Variants in CARD10 observed in about 807,000 individuals in gnomAD.
The protein encoded by CARD10 is caspase recruitment domain-containing protein 10.
In CARD10, 49 loss-of-function variants were observed where a neutral mutation model predicts 114.6. The observed-to-expected ratio is 0.43, with a 90% CI of 0.34 to 0.54. The LOEUF is 0.54. Ranked by LOEUF, CARD10 falls within the 20% of genes least tolerant of loss-of-function variation. The probability of loss-of-function intolerance (pLI) is 0.03; values close to 1 mark genes in which losing one functional copy is unlikely to be tolerated. For missense variants in CARD10, 1,206 were observed against 1,397.2 expected (o/e 0.86, Z 2.18); for synonymous variants, 602 against 593.2 (o/e 1.01, Z -0.21).
Position 37,490,942 on chromosome 22 carries a change from C to T in CARD10, c.*217G>A. ...GGAGACCCCAGGAAAGGTGGGGAGGCCCAGAGCAGCAAGTAGAGGGGAGTG... is the reference window on the plus strand; with the variant it reads ...GGAGACCCCAGGAAAGGTGGGGAGGTCCAGAGCAGCAAGTAGAGGGGAGTG... On this transcript the variant is annotated 3_prime_UTR_variant, in exon 20 of 20. Coordinates refer to ENST00000251973, the MANE Select transcript of CARD10 (RefSeq NM_014550.4). 1.7e-6 allele frequency: 1 copy of T among 574,264 alleles called. No homozygotes were observed. The highest frequency in any genetic ancestry group is 3.1e-6 in the Non-Finnish European group (1 of 321,592). 35.6% of individuals were successfully genotyped at this position (574,264 alleles called of 1,614,324 possible). A position where few individuals can be genotyped will look rare whatever the true frequency, so the allele number is the denominator to read the frequency against.
At chr22:37,504,370 G>A in intron 8 of CARD10, 69 bp from the exon 9 acceptor site, 1 of 1,196,094 alleles carries the variant, frequency 8.4e-7, no homozygotes, top group Admixed American at 2.8e-5. Flanking sequence ...AGCACACCTG[G>A]TTTGTGCCCA....
intron 5 of CARD10, 58 bp from the exon 6 acceptor site, chr22:37,508,012 C>T (rs1417893895): frequency 6.2e-6 from 10 of 1,603,478 alleles, no homozygotes; most frequent in Admixed American, 5.0e-5. Context: ...AGAAAGCTAA[C>T]CAGCAGGTGC....
At chr22:37,516,377 T>A in intron 2 of CARD10, 79 bp from the exon 3 acceptor site, 1 of 1,067,564 alleles carries the variant, frequency 9.4e-7, no homozygotes, top group Non-Finnish European at 1.3e-6. Context: ...GTCAAAAAAC[T>A]CAAACCATAA....
chr22:37,510,522 A>G, intron 3 of CARD10, 101 bp from the exon 4 acceptor site: 1 of 1,022,812 alleles, frequency 9.8e-7, no homozygotes, highest in Non-Finnish European at 1.4e-6. Context: ...TGCCTCCCAG[A>G]TTCCCAGAGA....
At chr22:37,514,478 A>G (rs1923767504) in intron 3 of CARD10, 1 of 152,340 alleles carries the variant, frequency 6.6e-6, no homozygotes, top group Non-Finnish European at 1.5e-5. Context: ...CAGGCCCTCG[A>G]ACGATAGCCT....
In CARD10 at chr22:37,507,950, A is replaced by T; in HGVS notation, c.1070T>A (p.Leu357Gln). ...QWAEELRDQY[L>Q]QEMEDLRLKH... is the part of the protein sequence containing the mutation. ...GAGCCGCAGGTCTTCCATCTCCTGC[A>T]GGTACTGAGGGTGGCACGGGGCGGG... is the stretch of plus-strand genomic sequence containing the variant. Residue 357 changes from leucine (L) to glutamine (Q), a missense_variant, in exon 6 of 20, where the codon CTG (leucine) becomes CAG (glutamine). Leu to Gln is a moderately radical substitution (Grantham distance 113, BLOSUM62 -2). Transcript: ENST00000251973. 6.2e-7 allele frequency: 1 copy of T among 1,614,070 alleles called. No individual in the cohort carries two copies. Among genetic ancestry groups the T allele is most frequent in the East Asian group, 2.2e-5 (1 of 44,864 alleles).
rs1922989700 is a variant in CARD10 at position 37,495,968 on chromosome 22, C to T, written c.2095G>A (p.Ala699Thr). 7 of 1,614,090 alleles carry T rather than the reference C, an allele frequency of 4.3e-6. No homozygotes were observed. The highest frequency in any genetic ancestry group is 5.9e-6 in the Non-Finnish European group (7 of 1,180,028). The change falls in exon 14 of 20, where the codon GCA becomes ACA. Residue 699 changes from alanine to threonine, a missense_variant. This residue lies in a region of CARD10 where 1,068 missense variants were observed against 1,179.1 expected (regional missense o/e 0.91). Transcript: ENST00000251973. The stretch of plus-strand genomic sequence containing the variant: ...AAGGGCTCGGCACCTGGTCCCTTTG[C>T]CCAGGCTTCTAGGGCCTCGTGGAAG... ...QSFHEALEAW[A>T]KGPGAEPFYI...
Position 37,492,941 on chromosome 22 carries a change from A to G in CARD10, c.2477-139T>C. 2.4e-6 allele frequency: 2 copies of G among 834,898 alleles called. No homozygotes were observed. The highest frequency in any genetic ancestry group is 3.7e-6 in the Non-Finnish European group (2 of 546,596). 51.7% of individuals were successfully genotyped at this position (834,898 alleles called of 1,614,324 possible). On this transcript the variant is annotated intron_variant, in intron 16 of 19. Coordinates refer to ENST00000251973, the MANE Select transcript of CARD10 (RefSeq NM_014550.4). The surrounding 1 kb of genome is among the most constrained non-coding windows in gnomAD (Gnocchi z 5.7). ...TCCTCCTACACATGCACACACACAC[A>G]CCCTTAGTAGGACCGACGGTGGCAG...
At chr22:37,512,454 C>CA (rs1923685639) in intron 3 of CARD10, among the ~76,000 whole-genome samples, 1 of 105,434 alleles carries the variant, frequency 9.5e-6, no homozygotes, top group African/African-American at 5.5e-5. Flanking sequence ...GTTAGAATGG[C>CA]AGCCCCCCCT....
chr22:37,497,296 G>T, intron 11 of CARD10, 118 bp from the exon 12 acceptor site: 1 of 1,011,952 alleles, frequency 9.9e-7, no homozygotes, highest in Non-Finnish European at 1.4e-6. Context: ...CCCACCCCCA[G>T]GCCTCTCCAT....
Position 37,508,520 on chromosome 22 carries a change from G to A in CARD10, c.1065+7C>T, listed in dbSNP as rs746132073. ...GCACAAGGGGCAGGGCACGGGCAGG[G>A]CCCCACCTGGTCGCGCAGCTCCTCG... On this transcript the variant is annotated splice_region_variant and intron_variant, in intron 5 of 19. Transcript: ENST00000251973. 45 of 1,586,246 alleles carry A rather than the reference G, an allele frequency of 2.8e-5. No homozygotes were observed. The Admixed American group carries it at 7.1e-4, about 25-fold the overall frequency.
Position 37,492,737 on chromosome 22 carries a change from C to T in CARD10, c.2542G>A (p.Val848Met), listed in dbSNP as rs756882892. The change falls in exon 17 of 20, where the codon GTG becomes ATG. Residue 848 changes from valine to methionine, a missense_variant. Around this residue, in one of 2 missense-constraint regions of CARD10, gnomAD observed 1,068 missense variants for 1,179.1 expected, o/e 0.91. Transcript: ENST00000251973. The surrounding 1 kb of genome is among the most constrained non-coding windows in gnomAD (Gnocchi z 5.7). ...GCCAGGCACTCAGGCAACAGCACCA[C>T]GGGCCGCAGGGCAGACACCAGTAGC... ...RPLLVSALRP[V>M]VLLPECLAPR... The T allele has an allele frequency of 1.9e-6, 3 of 1,612,980 alleles. No homozygotes were observed. The highest frequency in any genetic ancestry group is 1.7e-6 in the Non-Finnish European group (2 of 1,179,940).
In CARD10 at chr22:37,491,340, C is replaced by T. The variant is rs772992149; in HGVS notation, c.2918G>A (p.Arg973His). The T allele has an allele frequency of 1.7e-5, 27 of 1,543,988 alleles. No individual in the cohort carries two copies. Among genetic ancestry groups the T allele is most frequent in the Middle Eastern group, 1.7e-4 (1 of 5,892 alleles). Residue 973 changes from arginine (R) to histidine (H), a missense_variant, in exon 20 of 20, where the codon CGT becomes CAT. Transcript: ENST00000251973. ...CCCCCAGAGCACCTGCTCTGAGCCA[C>T]GGCACTGCCGCAGCAGCTCTGAGTC... Reference protein sequence around the residue: ...WRDSELLRQCRGSEQVLWGLP... With the variant: ...WRDSELLRQCHGSEQVLWGLP...
chr22:37,490,962 G>A lies in CARD10; in HGVS notation c.*197C>T, dbSNP rs1922746678. 8.6e-6 allele frequency: 5 copies of A among 584,002 alleles called. No individual in the cohort carries two copies. In the East Asian group the frequency reaches 1.1e-4, roughly 13 times the overall value. 36.2% of individuals were successfully genotyped at this position (584,002 alleles called of 1,614,324 possible). On this transcript the variant is annotated 3_prime_UTR_variant, in exon 20 of 20. Coordinates refer to ENST00000251973, the MANE Select transcript of CARD10 (RefSeq NM_014550.4). Reference sequence around the variant, plus strand: ...GGAGGCCCAGAGCAGCAAGTAGAGGGGAGTGGGCACTCTGTCCCGGGACTC... The same window carrying A: ...GGAGGCCCAGAGCAGCAAGTAGAGGAGAGTGGGCACTCTGTCCCGGGACTC...
intron 11 of CARD10, among the ~76,000 whole-genome samples, chr22:37,497,444 G>C (rs949851210): frequency 6.6e-6 from 1 of 152,170 alleles, no homozygotes; most frequent in African/African-American, 2.4e-5. Flanking sequence ...CTCCAACTTT[G>C]CCTTGCCACG....
Position 37,491,115 on chromosome 22 carries a change from G to A in CARD10, c.*44C>T, listed in dbSNP as rs1157032457. On this transcript the variant is annotated 3_prime_UTR_variant, in exon 20 of 20. Coordinates refer to ENST00000251973, the MANE Select transcript of CARD10 (RefSeq NM_014550.4). ...GGCCCAGCTTCACCATAGACACCAG[G>A]GTCCACGCTGGCTTGGGGAGAAGGT... 6.9e-7 allele frequency: 1 copy of A among 1,450,134 alleles called. No individual in the cohort carries two copies. The highest frequency in any genetic ancestry group is 2.5e-5 in the East Asian group (1 of 40,382). The allele number at this position is 1,450,134 out of a possible 1,614,324, so 89.8% of individuals were successfully genotyped here.
rs763979805 is a variant in CARD10 at position 37,516,248 on chromosome 22, G to A, written c.424C>T (p.Arg142Trp). ...LTQFLMTEVR[R>W]LREARKSQLQ... ...TGGCTCTTGCGAGCTTCCCGCAGCC[G>A]TCGCACCTCTGTCATCAAGAATTGG... Residue 142 changes from arginine (R) to tryptophan (W), a missense_variant, in exon 3 of 20, where the codon CGG becomes TGG. This residue lies in a region of CARD10 where 138 missense variants were observed against 218.0 expected (regional missense o/e 0.63). Transcript: ENST00000251973. 24 of 1,605,544 alleles carry A rather than the reference G, an allele frequency of 1.5e-5. No homozygotes were observed. The highest frequency in any genetic ancestry group is 7.7e-5 in the South Asian group (7 of 90,418).
Position 37,491,234 on chromosome 22 carries a change from G to A in CARD10, c.3024C>T (p.Ile1008=), listed in dbSNP as rs1300045120. The part of the protein sequence containing the change: ...EELAKVVRGR[I]LQEQARLVWV... ...ACACGAGGCGGGCCTGCTCCTGCAG[G>A]ATGCGGCCGCGCACCACCTTGGCCA... Residue 1008 remains isoleucine (I), a synonymous_variant, in exon 20 of 20, where the codon ATC becomes ATT. Coordinates refer to ENST00000251973, the MANE Select transcript of CARD10 (RefSeq NM_014550.4). 6.4e-7 allele frequency: 1 copy of A among 1,567,002 alleles called. No homozygotes were observed. Among genetic ancestry groups the A allele is most frequent in the Admixed American group, 1.9e-5 (1 of 53,730 alleles).
intron 4 of CARD10, among the ~76,000 whole-genome samples, chr22:37,509,382 T>A (rs191660973): frequency 6.6e-6 from 1 of 152,152 alleles, no homozygotes; most frequent in East Asian, 1.9e-4. Context: ...TTGAGGACCT[T>A]CTGGAGGCTG....
Sources: gnomAD v4.1 joint callset for allele counts (sites outside exome capture counted in the v4.1 genomes callset) on GRCh38, gnomAD v4.1.1 for gene constraint, gnomAD v4.1.1 regional missense constraint, Gnocchi (gnomAD v3.1) non-coding constraint, MANE v1.5 for transcripts, NCBI Gene and HGNC (gene_info 2026-07-23, HGNC 2026-07-21) for gene names.